Variants in FAF1 observed in about 807,000 individuals in gnomAD.
FAF1 encodes the protein Fas associated factor 1, also known as FAS-associated factor 1.
A neutral mutation model predicts 92.5 loss-of-function variants in FAF1; 25 were observed. The observed-to-expected ratio is 0.27, with a 90% CI of 0.20 to 0.38. The LOEUF is 0.38. Ranked by LOEUF, FAF1 falls within the 10% of genes least tolerant of loss-of-function variation. The pLI is 1.00. For synonymous variants in FAF1, 234 were observed against 273.2 expected (o/e 0.86, Z 1.42); for missense variants, 636 against 793.3 (o/e 0.80, Z 2.38).
chr1:50,937,900 G>A (rs1361029688), intron 1 of FAF1, among the ~76,000 whole-genome samples: 2 of 152,038 alleles, frequency 1.3e-5, no homozygotes, highest in Non-Finnish European at 2.9e-5. Flanking sequence ...AACCATGTCG[G>A]GTAATATGTA....
At chr1:50,907,769 T>G (rs533954753) in intron 1 of FAF1, among the ~76,000 whole-genome samples, 16 of 152,202 alleles carry the variant, frequency 1.1e-4, no homozygotes, top group Admixed American at 2.0e-4. Context: ...TTCTTCTCTC[T>G]TTTCTTCTTT....
At chr1:50,857,382 T>C (rs182855049) in intron 2 of FAF1, among the ~76,000 whole-genome samples, 15 of 151,902 alleles carry the variant, frequency 9.9e-5, no homozygotes, top group Admixed American at 9.2e-4. Flanking sequence ...ACTGCTCCAA[T>C]GCCATTATAC....
intron 12 of FAF1, among the ~76,000 whole-genome samples, chr1:50,579,225 C>A (rs1003534253): frequency 1.3e-5 from 2 of 152,048 alleles, no homozygotes; most frequent in Admixed American, 6.5e-5. Context: ...AGTAAAAGTT[C>A]TTTTGTCTAC....
At chr1:50,675,302 A>T (rs1656071321) in intron 7 of FAF1, among the ~76,000 whole-genome samples, 1 of 152,008 alleles carries the variant, frequency 6.6e-6, no homozygotes, top group Non-Finnish European at 1.5e-5. Flanking sequence ...TGAGTTCCAG[A>T]CTCTCTGGCA....
intron 1 of FAF1, among the ~76,000 whole-genome samples, chr1:50,891,111 G>C (rs1453174486): frequency 2.6e-5 from 4 of 151,906 alleles, no homozygotes; most frequent in Non-Finnish European, 4.4e-5. Flanking sequence ...TCATTCATTT[G>C]GTCTTCAATC....
intron 7 of FAF1, among the ~76,000 whole-genome samples, chr1:50,698,185 G>A (rs1657315056): frequency 6.6e-6 from 1 of 151,924 alleles, no homozygotes; most frequent in Non-Finnish European, 1.5e-5. Flanking sequence ...GGGTTGGGGA[G>A]GAATGAAGAG....
At chr1:50,732,489 T>G (rs1658968610) in intron 6 of FAF1, among the ~76,000 whole-genome samples, 1 of 152,230 alleles carries the variant, frequency 6.6e-6, no homozygotes, top group Non-Finnish European at 1.5e-5. Context: ...TTGTCATATC[T>G]TCTTGGCAAA....
At chr1:50,627,064 T>C (rs1165357115) in intron 8 of FAF1, among the ~76,000 whole-genome samples, 1 of 152,136 alleles carries the variant, frequency 6.6e-6, no homozygotes, top group Non-Finnish European at 1.5e-5. Flanking sequence ...ATTTTGGATA[T>C]GGTAAATTTT....
chr1:50,905,633 T>G (rs1490884840), intron 1 of FAF1, among the ~76,000 whole-genome samples: 1 of 152,226 alleles, frequency 6.6e-6, no homozygotes, highest in African/African-American at 2.4e-5. Flanking sequence ...TGATGGCCAG[T>G]GATGATGAGC....
At chr1:50,830,007 TG>T (rs1644137743) in intron 2 of FAF1, among the ~76,000 whole-genome samples, 1 of 152,236 alleles carries the variant, frequency 6.6e-6, no homozygotes. Flanking sequence ...GGTGGGCTGA[TG>T]GAAGAGAACT....
chr1:50,897,011 G>A (rs1245895366), intron 1 of FAF1, among the ~76,000 whole-genome samples: 2 of 151,538 alleles, frequency 1.3e-5, no homozygotes, highest in East Asian at 1.9e-4. Context: ...CTACATACCA[G>A]CAATAAACAA....
At chr1:50,651,850 A>G (rs940518310) in intron 8 of FAF1, among the ~76,000 whole-genome samples, 1 of 152,176 alleles carries the variant, frequency 6.6e-6, no homozygotes, top group African/African-American at 2.4e-5. Context: ...TACAAGTACC[A>G]GTTTTATGAG....
At chr1:50,556,169 C>T (rs1417832528) in intron 13 of FAF1, among the ~76,000 whole-genome samples, 1 of 139,444 alleles carries the variant, frequency 7.2e-6, no homozygotes, top group Non-Finnish European at 1.5e-5. Flanking sequence ...ACCCAGGAGG[C>T]GGAGCTTGCA....
Position 50,642,422 on chromosome 1 carries a change from G to C in FAF1, c.744+13020C>G, listed in dbSNP as rs549719116. Among the ~76,000 whole-genome samples, 10 of 152,052 alleles carry C rather than the reference G, an allele frequency of 6.6e-5. No homozygotes were observed. The South Asian group carries it at 1.5e-3, about 22-fold the overall frequency. The stretch of plus-strand genomic sequence containing the variant: ...TCCCAGCACTTTGGGAGGCCGACGC[G>C]GGGGGATCACAAAGTCAGGAGTTTG... On this transcript the variant is annotated intron_variant, in intron 8 of 18. Transcript: ENST00000396153.
intron 1 of FAF1, among the ~76,000 whole-genome samples, chr1:50,917,684 GAAAGGAAAGGAAAGGAAAAGA>G (rs1557588599): frequency 2.8e-5 from 4 of 143,574 alleles, no homozygotes; most frequent in African/African-American, 1.1e-4. Context: ...GAAAGGAAAG[GAAAGGAAAGGAAAGGAAAAGA>G]AAGAAAACCA....
Position 50,744,640 on chromosome 1 carries a change from C to T in FAF1, c.459+44G>A. On this transcript the variant is annotated intron_variant, in intron 5 of 18. Coordinates refer to ENST00000396153, the MANE Select transcript of FAF1 (RefSeq NM_007051.3). ...TTTTTACATATCATTTAATCAATGGCATAACTTAATTTTCTTTTATTTCTA... is the reference window on the plus strand; with the variant it reads ...TTTTTACATATCATTTAATCAATGGTATAACTTAATTTTCTTTTATTTCTA... 11 of 1,268,370 alleles carry T rather than the reference C, an allele frequency of 8.7e-6. No individual in the cohort carries two copies. In the Middle Eastern group the frequency reaches 2.0e-3, roughly 235 times the overall value. 78.6% of individuals were successfully genotyped at this position (1,268,370 alleles called of 1,614,324 possible). A position where few individuals can be genotyped will look rare whatever the true frequency, so the allele number is the denominator to read the frequency against.
At chr1:50,635,761 C>A (rs898438651) in intron 8 of FAF1, among the ~76,000 whole-genome samples, 9 of 152,280 alleles carry the variant, frequency 5.9e-5, no homozygotes, top group South Asian at 2.1e-4. Flanking sequence ...TTACTGACTC[C>A]TTGATGTCAT....
intron 6 of FAF1, among the ~76,000 whole-genome samples, chr1:50,736,621 G>A (rs1447303726): frequency 6.6e-6 from 1 of 151,972 alleles, no homozygotes; most frequent in African/African-American, 2.4e-5. Context: ...CGTAGTGGTG[G>A]GCACCTGTAA....
intron 1 of FAF1, among the ~76,000 whole-genome samples, chr1:50,933,492 G>A (rs1055824666): frequency 6.6e-6 from 1 of 152,158 alleles, no homozygotes; most frequent in African/African-American, 2.4e-5. Flanking sequence ...GACCACCTCA[G>A]CCTGGACCTT....
Sources: gnomAD v4.1 joint callset for allele counts (sites outside exome capture counted in the v4.1 genomes callset) on GRCh38, gnomAD v4.1.1 for gene constraint, MANE v1.5 for transcripts, NCBI Gene and HGNC (gene_info 2026-07-23, HGNC 2026-07-21) for gene names.